Variants in MAP3K8 observed in about 807,000 individuals in gnomAD.
MAP3K8 encodes Ewing sarcoma transformant.
In MAP3K8, 22 loss-of-function variants were observed where a neutral mutation model predicts 45.8. That is an observed-to-expected ratio of 0.48 (90% CI 0.34 to 0.69). MAP3K8 has a LOEUF of 0.69. Ranked by LOEUF, MAP3K8 falls within the 30% of genes least tolerant of loss-of-function variation. The pLI is 0.01. For missense variants in MAP3K8, 419 were observed against 585.0 expected (o/e 0.72, Z 2.93); for synonymous variants, 223 against 214.3 (o/e 1.04, Z -0.36).
chr10:30,460,716 C>T lies in MAP3K8; in HGVS notation c.1284C>T (p.Cys428=). ...ELPENIADSS[C]TGSTEESEML... ...TGTTTTCCTTTTCAGATTCTTCGTG[C>T]ACAGGAAGCACCGAGGAATCTGAGA... Residue 428 remains cysteine (C), a synonymous_variant, in exon 9 of 9, where the codon TGC becomes TGT. Coordinates refer to ENST00000263056, the MANE Select transcript of MAP3K8 (RefSeq NM_005204.4). 1 of 1,606,784 alleles carries T rather than the reference C, an allele frequency of 6.2e-7. No individual in the cohort carries two copies. The highest frequency in any genetic ancestry group is 8.5e-7 in the Non-Finnish European group (1 of 1,176,538).
intron 8 of MAP3K8, 122 bp downstream of exon 8, chr10:30,459,623 C>A: frequency 1.7e-6 from 2 of 1,164,344 alleles, no homozygotes; most frequent in Non-Finnish European, 1.2e-6. Flanking sequence ...AGTACCATAC[C>A]TTGCTTGAGA....
At chr10:30,451,543 C>G (rs1408363348) in intron 5 of MAP3K8, 95 bp from the exon 6 acceptor site, 1 of 596,352 alleles carries the variant, frequency 1.7e-6, no homozygotes, top group African/African-American at 1.9e-5. Flanking sequence ...TCAGTCTTTT[C>G]TGATTGGAGA....
chr10:30,438,998 T>A lies in MAP3K8; in HGVS notation c.60T>A (p.His20Gln). 1.2e-6 allele frequency: 2 copies of A among 1,612,834 alleles called. No homozygotes were observed. The highest frequency in any genetic ancestry group is 1.7e-6 in the Non-Finnish European group (2 of 1,178,806). Residue 20 changes from histidine (H) to glutamine (Q), a missense_variant, in exon 3 of 9, where the codon CAT (histidine) becomes CAA (glutamine). His to Gln is a conservative substitution (Grantham distance 24, BLOSUM62 0). Coordinates refer to ENST00000263056, the MANE Select transcript of MAP3K8 (RefSeq NM_005204.4). ...NKEEIDLLIK[H>Q]LNVSDVIDIM... ...AAGAGATTGATTTATTAATTAAACA[T>A]TTAAATGTGTCTGATGTAATAGACA...
intron 1 of MAP3K8, among the ~76,000 whole-genome samples, chr10:30,436,923 A>G (rs1159684975): frequency 6.6e-6 from 1 of 151,458 alleles, no homozygotes; most frequent in Non-Finnish European, 1.5e-5. Flanking sequence ...TGTTTCCAGT[A>G]AATTCGACAA....
At chr10:30,456,323 C>G (rs1836727115) in intron 6 of MAP3K8, among the ~76,000 whole-genome samples, 1 of 152,138 alleles carries the variant, frequency 6.6e-6, no homozygotes, top group Admixed American at 6.6e-5. Context: ...TATTTAGTAG[C>G]AAAGTCCTTC....
intron 5 of MAP3K8, among the ~76,000 whole-genome samples, chr10:30,451,313 AG>A (rs1448872252): frequency 1.3e-5 from 2 of 152,314 alleles, no homozygotes; most frequent in African/African-American, 4.8e-5. Flanking sequence ...CTGGGAAAAA[AG>A]ATGGGTATTT....
At chr10:30,443,765 C>T (rs1429992258) in intron 3 of MAP3K8, among the ~76,000 whole-genome samples, 2 of 152,084 alleles carry the variant, frequency 1.3e-5, no homozygotes, top group African/African-American at 4.8e-5. Context: ...GCTTCTTGGC[C>T]CAGTGTTGTT....
At chr10:30,449,326 C>T (rs1836455642) in intron 4 of MAP3K8, among the ~76,000 whole-genome samples, 1 of 152,140 alleles carries the variant, frequency 6.6e-6, no homozygotes, top group South Asian at 2.1e-4. Context: ...CTCACCTCAA[C>T]CTCTGTCTCC....
intron 3 of MAP3K8, among the ~76,000 whole-genome samples, chr10:30,439,899 C>T (rs1043354356): frequency 3.3e-5 from 5 of 152,204 alleles, no homozygotes; most frequent in African/African-American, 9.7e-5. Context: ...TAATGAGACT[C>T]CTTCGTCTGA....
At chr10:30,434,688 T>G (rs1296701951) in intron 1 of MAP3K8, 2 of 985,410 alleles carry the variant, frequency 2.0e-6, no homozygotes, top group African/African-American at 3.5e-5. Flanking sequence ...GGACCCGCTG[T>G]CACTGCGCCT....
chr10:30,439,140 C>G lies in MAP3K8; in HGVS notation c.202C>G (p.Gln68Glu), dbSNP rs775103410. Residue 68 changes from glutamine (Q) to glutamate (E), a missense_variant, in exon 3 of 9, where the codon CAA becomes GAA. Physicochemically the swap from Gln to Glu is conservative, Grantham distance 29. Coordinates refer to ENST00000263056, the MANE Select transcript of MAP3K8 (RefSeq NM_005204.4). Reference sequence around the variant, plus strand: ...TTCTAAGTCTCTGCTGCTTAGTGGCCAAGAGGTACCATGGTTGTCATCAGT... The same window carrying G: ...TTCTAAGTCTCTGCTGCTTAGTGGCGAAGAGGTACCATGGTTGTCATCAGT... Reference protein sequence around the residue: ...ERSKSLLLSGQEVPWLSSVRY... With the variant: ...ERSKSLLLSGEEVPWLSSVRY... 1.2e-6 allele frequency: 2 copies of G among 1,614,176 alleles called. No individual in the cohort carries two copies. Among genetic ancestry groups the G allele is most frequent in the South Asian group, 2.2e-5 (2 of 91,088 alleles).
intron 3 of MAP3K8, among the ~76,000 whole-genome samples, chr10:30,442,107 G>A (rs374738198): frequency 6.6e-6 from 1 of 152,192 alleles, no homozygotes; most frequent in East Asian, 1.9e-4. Flanking sequence ...GCAGTGCGTC[G>A]GGTGCTAGAG....
chr10:30,441,875 C>CCAAT (rs1836122040), intron 3 of MAP3K8, among the ~76,000 whole-genome samples: 1 of 152,142 alleles, frequency 6.6e-6, no homozygotes, highest in Non-Finnish European at 1.5e-5. Flanking sequence ...TTGGAACCAC[C>CCAAT]CAATGTTCAA....
rs144688885 is a variant in MAP3K8, at chr10:30,443,254, G to T, written c.336+3980G>T. The stretch of plus-strand genomic sequence containing the variant: ...GCCTCAGTTTACTCATTCATAAAAT[G>T]GATAACATCATGACACTCCATAGAG... On this transcript the variant is annotated intron_variant, in intron 3 of 8. Coordinates refer to ENST00000263056, the MANE Select transcript of MAP3K8 (RefSeq NM_005204.4). Among the ~76,000 whole-genome samples the T allele has an allele frequency of 4.7e-4, 72 of 152,242 alleles. 5 individuals are homozygous for T. In the East Asian group the frequency reaches 0.014, roughly 29 times the overall value.
In MAP3K8 at chr10:30,458,277, G is replaced by A. The variant is rs751997881; in HGVS notation, c.1026+41G>A. 8.9e-6 allele frequency: 12 copies of A among 1,349,978 alleles called. 2 individuals are homozygous for A. The highest frequency in any genetic ancestry group is 2.0e-4 in the Middle Eastern group (1 of 5,012). 83.6% of individuals were successfully genotyped at this position (1,349,978 alleles called of 1,614,324 possible). A position where few individuals can be genotyped will look rare whatever the true frequency, so the allele number is the denominator to read the frequency against. On this transcript the variant is annotated intron_variant, in intron 7 of 8. Transcript: ENST00000263056. ...CCAGGGCTGGGGGCGGCGGGGGGGG[G>A]CGTTGAGTTATGCATCCCGCAGGCT...
chr10:30,451,782 A>C, intron 6 of MAP3K8, 38 bp downstream of exon 6: 1 of 1,138,630 alleles, frequency 8.8e-7, no homozygotes, highest in Non-Finnish European at 1.3e-6. Context: ...CTATTTTATT[A>C]AGAATAAAAA....
Position 30,437,280 on chromosome 10 carries a change from T to C in MAP3K8, c.-150T>C. 1.0e-6 allele frequency: 1 copy of C among 985,400 alleles called. No homozygotes were observed. The highest frequency in any genetic ancestry group is 1.2e-6 in the Non-Finnish European group (1 of 829,922). 61.0% of individuals were successfully genotyped at this position (985,400 alleles called of 1,614,324 possible). A position where few individuals can be genotyped will look rare whatever the true frequency, so the allele number is the denominator to read the frequency against. On this transcript the variant is annotated 5_prime_UTR_variant, in exon 2 of 9. Coordinates refer to ENST00000263056, the MANE Select transcript of MAP3K8 (RefSeq NM_005204.4). The stretch of plus-strand genomic sequence containing the variant: ...GTATCTGCAAAGCCAGGAGTCTGAC[T>C]CAGTACTTTTCTCACTCATGCATAC...
At chr10:30,454,912 C>A (rs1264128789) in intron 6 of MAP3K8, among the ~76,000 whole-genome samples, 1 of 152,086 alleles carries the variant, frequency 6.6e-6, no homozygotes, top group African/African-American at 2.4e-5. Flanking sequence ...TTCCACCACC[C>A]TTTTTCCTGG....
intron 3 of MAP3K8, 112 bp from the exon 4 acceptor site, chr10:30,447,670 C>T: frequency 2.5e-6 from 2 of 805,398 alleles, no homozygotes; most frequent in Non-Finnish European, 4.3e-6. Flanking sequence ...ACATTAATTT[C>T]ATAACTGTGT....
Sources: allele counts gnomAD v4.1 joint callset (sites outside exome capture counted in the v4.1 genomes callset), GRCh38; gene constraint gnomAD v4.1.1; transcripts MANE v1.5; gene names NCBI Gene and HGNC (gene_info 2026-07-23, HGNC 2026-07-21).